The following HYDIN variants were observed in gnomAD, a reference collection of about 807,000 sequenced individuals.
The protein encoded by HYDIN is HYDIN axonemal central pair apparatus protein, also known as axonemal central pair apparatus protein HYDIN.
Under a neutral mutation model 403.9 loss-of-function variants are expected in HYDIN, and 132 were observed. The ratio of observed to expected loss-of-function variants is 0.33; its 90% CI spans 0.28 to 0.38. HYDIN has a LOEUF of 0.38. HYDIN is among the 10% of genes least tolerant of loss of function. The pLI, the probability that HYDIN is intolerant of heterozygous loss-of-function variation, is 1.00. For missense variants in HYDIN, 2,827 were observed against 5,009.5 expected (o/e 0.56, Z 13.15); for synonymous variants, 1,202 against 1,891.7 (o/e 0.64, Z 9.46).
rs371045017 is a variant in HYDIN, at chr16:70,879,677, G to A, written c.10295C>T (p.Thr3432Met). Residue 3432 changes from threonine (T) to methionine (M), a missense_variant, in exon 61 of 86, where the codon ACG (threonine) becomes ATG (methionine). Coordinates refer to ENST00000393567, the MANE Select transcript of HYDIN (RefSeq NM_001270974.2). ...CIASHSHAFA[T>M]VSFTPQIMQN... is the part of the protein sequence containing the mutation. ...CATGATCTGCGGGGTGAAGGACACC[G>A]TGGCAAAGGCATGGGAATGACTGGC... 3.6e-5 allele frequency: 56 copies of A among 1,534,798 alleles called. No individual in the cohort carries two copies. The highest frequency in any genetic ancestry group is 1.6e-4 in the African/African-American group (11 of 68,492).
intron 4 of HYDIN, among the ~76,000 whole-genome samples, chr16:71,176,206 G>C (rs2086665067): frequency 6.7e-6 from 1 of 150,238 alleles, no homozygotes; most frequent in South Asian, 2.1e-4. Context: ...TGGGGAGGCT[G>C]AGGCAGGAGA....
intron 83 of HYDIN, among the ~76,000 whole-genome samples, chr16:70,822,997 G>GT (rs1443881591): frequency 9.6e-5 from 9 of 93,798 alleles, no homozygotes; most frequent in African/African-American, 3.9e-4. Context: ...TACTTCTGAG[G>GT]TATGTCTGTA....
chr16:70,957,605 G>A (rs201387724), intron 39 of HYDIN, among the ~76,000 whole-genome samples: 3 of 151,380 alleles, frequency 2.0e-5, no homozygotes, highest in Non-Finnish European at 2.9e-5. Context: ...GATTACAGGC[G>A]TGAGCCACCA....
intron 10 of HYDIN, among the ~76,000 whole-genome samples, chr16:71,098,398 T>C (rs2083346782): frequency 6.6e-6 from 1 of 151,636 alleles, no homozygotes; most frequent in East Asian, 1.9e-4. Flanking sequence ...GAAACGGGGC[T>C]TCACCGTGTT....
At chr16:71,028,012 TAGGAAGACTA>T (rs2080773374) in intron 19 of HYDIN, 137 bp from the exon 20 acceptor site, 1 of 528,758 alleles carries the variant, frequency 1.9e-6, no homozygotes, top group Non-Finnish European at 3.2e-6. Flanking sequence ...TTTTTAAATG[TAGGAAGACTA>T]AGTCACGATG....
chr16:70,947,810 T>C (rs1404360627), intron 41 of HYDIN, among the ~76,000 whole-genome samples: 3 of 151,938 alleles, frequency 2.0e-5, no homozygotes, highest in East Asian at 3.9e-4. Context: ...TTAAAGAGGA[T>C]ACAAACAAAT....
intron 23 of HYDIN, among the ~76,000 whole-genome samples, chr16:71,007,085 T>C (rs2079912958): frequency 6.9e-6 from 1 of 144,906 alleles, no homozygotes; most frequent in African/African-American, 2.5e-5. Flanking sequence ...CCTTCCTTCC[T>C]TCCCATTTTT....
At chr16:71,180,141 C>G (rs1409739994) in intron 3 of HYDIN, among the ~76,000 whole-genome samples, 5 of 151,554 alleles carry the variant, frequency 3.3e-5, no homozygotes, top group Non-Finnish European at 5.9e-5. Context: ...TGAGTTTGAT[C>G]AAGAAAATAT....
At chr16:70,931,874 G>A (rs188329217) in intron 45 of HYDIN, among the ~76,000 whole-genome samples, 2 of 149,756 alleles carry the variant, frequency 1.3e-5, no homozygotes, top group Non-Finnish European at 3.0e-5. Flanking sequence ...AATTAGCCAG[G>A]CATGGTGGTG....
chr16:71,044,476 CT>C (rs2081389712), intron 18 of HYDIN, among the ~76,000 whole-genome samples: 1 of 151,846 alleles, frequency 6.6e-6, no homozygotes, highest in Admixed American at 6.6e-5. Context: ...CATCTCGCCT[CT>C]TCTCTGGTAA....
At chr16:71,228,494 A>G (rs990709426) in intron 1 of HYDIN, among the ~76,000 whole-genome samples, 14 of 152,364 alleles carry the variant, frequency 9.2e-5, no homozygotes, top group East Asian at 1.9e-4. Flanking sequence ...AAAAGTGGGC[A>G]AAGGATATGA....
rs1157377543 is a variant in HYDIN, at chr16:70,920,804, C to T, written c.7572G>A (p.Glu2524=). The T allele has an allele frequency of 6.4e-7, 1 of 1,562,888 alleles. No homozygotes were observed. Among genetic ancestry groups the T allele is most frequent in the African/African-American group, 1.4e-5 (1 of 73,524 alleles). Reference sequence around the variant, plus strand: ...GCTCCGCCTTCTCCCTCTCCAGGCGCTCCTTCTCCGTGCGCTCCTTCTCCA... The same window carrying T: ...GCTCCGCCTTCTCCCTCTCCAGGCGTTCCTTCTCCGTGCGCTCCTTCTCCA... ...ERLEKERTEK[E]RLEREKAERE... is the part of the protein sequence containing the mutation. Residue 2524 remains glutamate (E), a synonymous_variant, in exon 46 of 86, where the codon GAG becomes GAA. Transcript: ENST00000393567.
intron 1 of HYDIN, among the ~76,000 whole-genome samples, chr16:71,207,312 A>G (rs993816304): frequency 6.6e-6 from 1 of 152,222 alleles, no homozygotes; most frequent in African/African-American, 2.4e-5. Flanking sequence ...CAAAAATTTC[A>G]TATCTGCTCA....
At chr16:70,808,477 T>C (rs928209509) in intron 85 of HYDIN, among the ~76,000 whole-genome samples, 1 of 152,150 alleles carries the variant, frequency 6.6e-6, no homozygotes, top group African/African-American at 2.4e-5. Flanking sequence ...GAGCCTTTCA[T>C]TGCCAATTTA....
chr16:70,903,321 C>T (rs2076445868), intron 52 of HYDIN, among the ~76,000 whole-genome samples: 1 of 140,570 alleles, frequency 7.1e-6, no homozygotes, highest in East Asian at 2.0e-4. Context: ...CAACAGACTG[C>T]TTTGAGAATC....
chr16:70,865,824 G>T (rs2039714187), intron 67 of HYDIN, among the ~76,000 whole-genome samples: 1 of 152,342 alleles, frequency 6.6e-6, no homozygotes, highest in East Asian at 1.9e-4. Flanking sequence ...ATACCCACCA[G>T]TGTGGATATT....
At chr16:71,063,843 T>TC (rs2082169272) in intron 16 of HYDIN, among the ~76,000 whole-genome samples, 1 of 151,922 alleles carries the variant, frequency 6.6e-6, no homozygotes, top group South Asian at 2.1e-4. Context: ...TTTTTCGTCT[T>TC]CAAGTTTCCA....
intron 21 of HYDIN, among the ~76,000 whole-genome samples, chr16:71,020,530 C>T (rs947364084): frequency 2.6e-5 from 4 of 151,910 alleles, no homozygotes; most frequent in East Asian, 1.9e-4. Context: ...ATGTGGAGGC[C>T]GGGTGCAGAG....
intron 75 of HYDIN, among the ~76,000 whole-genome samples, chr16:70,846,005 T>A (rs1218647633): frequency 6.6e-6 from 1 of 151,268 alleles, no homozygotes; most frequent in Non-Finnish European, 1.5e-5. Context: ...CCTGGATTCA[T>A]TAATTTTTTG....
Sources: allele counts gnomAD v4.1 joint callset (sites outside exome capture counted in the v4.1 genomes callset), GRCh38; gene constraint gnomAD v4.1.1; transcripts MANE v1.5; gene names NCBI Gene and HGNC (gene_info 2026-07-23, HGNC 2026-07-21).